The following LRRFIP2 variants were observed in gnomAD, a reference collection of about 807,000 sequenced individuals.
The protein encoded by LRRFIP2 is leucine-rich repeat flightless-interacting protein 2.
A neutral mutation model predicts 125.9 loss-of-function variants in LRRFIP2; 109 were observed. That is an observed-to-expected ratio of 0.87 (90% CI 0.74 to 1.01). The LOEUF (loss-of-function observed/expected upper bound fraction) is 1.01. Among genes scored for constraint, LRRFIP2 ranks in the 50% least tolerant of loss-of-function variants. The probability of loss-of-function intolerance (pLI) is 0.00; values close to 1 mark genes in which losing one functional copy is unlikely to be tolerated. For missense variants in LRRFIP2, 850 were observed against 862.3 expected, an observed-to-expected ratio of 0.99 and a Z score of 0.18; for synonymous variants, 291 against 293.1, an observed-to-expected ratio of 0.99 and a Z score of 0.07.
At chr3:37,174,061 C>G (rs1393195123) in intron 1 of LRRFIP2, 1 of 151,930 alleles carries the variant, frequency 6.6e-6, no homozygotes, top group African/African-American at 2.4e-5. Context: ...AAATCAAAAG[C>G]AACATTAGGG....
intron 15 of LRRFIP2, among the ~76,000 whole-genome samples, chr3:37,099,729 A>C (rs1440445627): frequency 6.6e-6 from 1 of 152,200 alleles, no homozygotes; most frequent in Non-Finnish European, 1.5e-5. Flanking sequence ...TTGTAGCCTG[A>C]CTTACAAAAC....
chr3:37,089,647 C>A (rs910856479), intron 18 of LRRFIP2, among the ~76,000 whole-genome samples: 6 of 152,094 alleles, frequency 3.9e-5, no homozygotes, highest in Admixed American at 3.3e-4. Flanking sequence ...CTAATCTGTT[C>A]TTTTGTATTC....
chr3:37,098,888 C>T (rs914155948), intron 15 of LRRFIP2, among the ~76,000 whole-genome samples: 2 of 152,152 alleles, frequency 1.3e-5, no homozygotes, highest in African/African-American at 2.4e-5. Flanking sequence ...GAGAAAAGCA[C>T]ACAGCATTCA....
intron 17 of LRRFIP2, among the ~76,000 whole-genome samples, chr3:37,092,726 T>A (rs2093516327): frequency 6.6e-6 from 1 of 152,234 alleles, no homozygotes; most frequent in Admixed American, 6.5e-5. Flanking sequence ...TTCAAACCAA[T>A]GGCCATGCTG....
chr3:37,075,175 T>C (rs2091852018), intron 19 of LRRFIP2, 59 bp from the exon 20 acceptor site: 2 of 1,166,518 alleles, frequency 1.7e-6, no homozygotes, highest in Middle Eastern at 1.9e-4. Context: ...AATTTGAACA[T>C]ACACAATACA....
At chr3:37,143,014 G>A (rs1290417852) in intron 2 of LRRFIP2, among the ~76,000 whole-genome samples, 2 of 152,238 alleles carry the variant, frequency 1.3e-5, no homozygotes, top group South Asian at 2.1e-4. Context: ...AAGTTCTCGT[G>A]AGATCTGGCT....
At chr3:37,115,930 T>C (rs909704265) in intron 6 of LRRFIP2, among the ~76,000 whole-genome samples, 3 of 152,212 alleles carry the variant, frequency 2.0e-5, no homozygotes, top group African/African-American at 7.2e-5. Context: ...GAAAGTCATA[T>C]ACAAAACAAA....
intron 1 of LRRFIP2, among the ~76,000 whole-genome samples, chr3:37,170,081 TATCATC>T (rs1026984287): frequency 6.6e-6 from 1 of 152,132 alleles, no homozygotes; most frequent in Non-Finnish European, 1.5e-5. Flanking sequence ...CTAAATACAT[TATCATC>T]ATCATCATTC....
intron 27 of LRRFIP2, 56 bp downstream of exon 27, chr3:37,054,355 A>G (rs1220377350): frequency 7.2e-7 from 1 of 1,381,738 alleles, no homozygotes; most frequent in Non-Finnish European, 1.0e-6. Flanking sequence ...AATTATTTCC[A>G]GAAGATTTTT....
At chr3:37,139,597 G>A (rs1389994368) in intron 2 of LRRFIP2, among the ~76,000 whole-genome samples, 1 of 152,026 alleles carries the variant, frequency 6.6e-6, no homozygotes, top group African/African-American at 2.4e-5. Flanking sequence ...TGGTTCTACT[G>A]AAGAGCTGCC....
chr3:37,068,270 G>A (rs2148821155), intron 21 of LRRFIP2: 2 of 152,276 alleles, frequency 1.3e-5, no homozygotes, highest in Middle Eastern at 6.8e-3. Context: ...ATATAAGTGG[G>A]TAAATGATCA....
chr3:37,122,073 C>G (rs2095075410), intron 4 of LRRFIP2, among the ~76,000 whole-genome samples: 1 of 113,586 alleles, frequency 8.8e-6, no homozygotes, highest in Non-Finnish European at 1.7e-5. Flanking sequence ...CCCCCCTCCC[C>G]CCACCCCACA....
At chr3:37,074,984 T>C (rs1293499612) in intron 20 of LRRFIP2, 40 bp downstream of exon 20, 2 of 1,406,920 alleles carry the variant, frequency 1.4e-6, no homozygotes, top group Non-Finnish European at 2.0e-6. Flanking sequence ...TCAACTCATT[T>C]TTTTTCAAAA....
At chr3:37,077,502 T>C (rs1023575376) in intron 19 of LRRFIP2, among the ~76,000 whole-genome samples, 8 of 152,180 alleles carry the variant, frequency 5.3e-5, no homozygotes, top group African/African-American at 1.9e-4. Flanking sequence ...TATATATACA[T>C]ATATATCTTT....
At chr3:37,055,520 C>G (rs772258823) in intron 25 of LRRFIP2, among the ~76,000 whole-genome samples, 2 of 152,094 alleles carry the variant, frequency 1.3e-5, no homozygotes, top group African/African-American at 4.8e-5. Context: ...GAGCTAAGAT[C>G]GCGCCACTGC....
intron 18 of LRRFIP2, among the ~76,000 whole-genome samples, chr3:37,088,275 C>T (rs545468444): frequency 9.5e-4 from 144 of 152,274 alleles, no homozygotes; most frequent in Non-Finnish European, 1.6e-3. Context: ...AGACTTACCC[C>T]TACAGTCTAT....
At chr3:37,130,303 A>G (rs1183464056) in intron 2 of LRRFIP2, among the ~76,000 whole-genome samples, 2 of 152,208 alleles carry the variant, frequency 1.3e-5, no homozygotes, top group African/African-American at 4.8e-5. Context: ...TTTATCTTCT[A>G]CATGGTTATA....
chr3:37,158,594 A>G (rs7638620), intron 1 of LRRFIP2, among the ~76,000 whole-genome samples: 60,322 of 149,538 alleles, frequency 0.4, 12,810 homozygotes, highest in Non-Finnish European at 0.46. Flanking sequence ...GTAACAGAGC[A>G]AGACTCCTCT....
chr3:37,069,900 A>G (rs2090861754), intron 21 of LRRFIP2, among the ~76,000 whole-genome samples: 1 of 152,152 alleles, frequency 6.6e-6, no homozygotes. Context: ...AGAAAAGATT[A>G]GTGGTTCTTA....
Sources: gnomAD v4.1 joint callset for allele counts (sites outside exome capture counted in the v4.1 genomes callset) on GRCh38, gnomAD v4.1.1 for gene constraint, MANE v1.5 for transcripts, NCBI Gene and HGNC (gene_info 2026-07-23, HGNC 2026-07-21) for gene names.